B4GALT1: variants seen among roughly 807,000 people sequenced by gnomAD.
B4GALT1 encodes the protein beta-1,4-galactosyltransferase 1, also known as N-acetyllactosamine synthase.
B4GALT1 carries 16 observed loss-of-function variants against 34.9 expected under a neutral mutation model. The observed-to-expected ratio is 0.46, with a 90% CI of 0.31 to 0.70. The LOEUF (loss-of-function observed/expected upper bound fraction) is 0.70, where lower values mean the gene tolerates loss of function less well. B4GALT1 is among the 30% of genes least tolerant of loss of function. The probability of loss-of-function intolerance (pLI) is 0.05; values close to 1 mark genes in which losing one functional copy is unlikely to be tolerated. For synonymous variants in B4GALT1, 221 were observed against 218.1 expected (o/e 1.01, Z -0.12); for missense variants, 445 against 530.5 (o/e 0.84, Z 1.58).
At chr9:33,150,504 T>C (rs1270518630) in intron 1 of B4GALT1, among the ~76,000 whole-genome samples, 1 of 151,832 alleles carries the variant, frequency 6.6e-6, no homozygotes, top group East Asian at 1.9e-4. Flanking sequence ...ATATATACTG[T>C]GTGACTCCAT....
At chr9:33,125,969 A>C (rs1021361072) in intron 2 of B4GALT1, among the ~76,000 whole-genome samples, 1 of 152,158 alleles carries the variant, frequency 6.6e-6, no homozygotes, top group African/African-American at 2.4e-5. Flanking sequence ...ACATGGCTGG[A>C]ACCATTAACC....
chr9:33,157,063 TACACACACACACACAC>T (rs371027641), intron 1 of B4GALT1, among the ~76,000 whole-genome samples: 63 of 87,306 alleles, frequency 7.2e-4, no homozygotes, highest in African/African-American at 3.8e-3. Flanking sequence ...CATAGGGAAC[TACACACACACACACAC>T]ACACACACAC....
intron 1 of B4GALT1, among the ~76,000 whole-genome samples, chr9:33,164,313 C>G (rs1410681798): frequency 1.3e-5 from 2 of 152,186 alleles, no homozygotes. Flanking sequence ...CTCGACTCCC[C>G]CCACCCACAC....
upstream of B4GALT1, among the ~76,000 whole-genome samples, chr9:33,167,933 G>A (rs1840796714): frequency 1.3e-5 from 2 of 152,264 alleles, no homozygotes; most frequent in Admixed American, 1.3e-4. Context: ...AAAGAAAGTG[G>A]ACGGGTTGCC....
intron 1 of B4GALT1, among the ~76,000 whole-genome samples, chr9:33,136,365 G>A (rs1840272913): frequency 6.6e-6 from 1 of 152,150 alleles, no homozygotes; most frequent in East Asian, 1.9e-4. Flanking sequence ...GGTACACGTG[G>A]TGCAGTCCAG....
chr9:33,181,425 C>CACACACACACACACAA, the B4GALT1 span, among the ~76,000 whole-genome samples: 1 of 145,156 alleles, frequency 6.9e-6, no homozygotes, highest in South Asian at 2.1e-4. Flanking sequence ...CCCTGTCTTA[C>CACACACACACACACAA]ACACACACAC....
intron 2 of B4GALT1, among the ~76,000 whole-genome samples, chr9:33,132,356 C>T (rs73645257): frequency 0.2 from 30,139 of 152,060 alleles, 3,306 homozygotes; most frequent in East Asian, 0.47. Context: ...TCACTTGAGA[C>T]GGTTCTTGGA....
chr9:33,139,921 G>A (rs565214149), intron 1 of B4GALT1, among the ~76,000 whole-genome samples: 2 of 152,366 alleles, frequency 1.3e-5, no homozygotes, highest in South Asian at 2.1e-4. Context: ...GCAGGGTTAC[G>A]TAAGCAGATG....
chr9:33,128,767 A>C (rs1346106259), intron 2 of B4GALT1, among the ~76,000 whole-genome samples: 1 of 152,076 alleles, frequency 6.6e-6, no homozygotes, highest in Non-Finnish European at 1.5e-5. Context: ...GATAGAAACC[A>C]AACCAATGAG....
At chr9:33,177,234 T>A in the B4GALT1 span, among the ~76,000 whole-genome samples, 11 of 152,330 alleles carry the variant, frequency 7.2e-5, 1 homozygote, top group South Asian at 2.3e-3. Context: ...TTACTACATG[T>A]TACTACTATG....
intron 2 of B4GALT1, among the ~76,000 whole-genome samples, chr9:33,121,479 T>TA (rs1388028295): frequency 6.6e-6 from 1 of 151,642 alleles, no homozygotes; most frequent in Non-Finnish European, 1.5e-5. Flanking sequence ...TCTCCTGCCT[T>TA]AGCCTCGCGA....
At chr9:33,135,472 A>G (rs762072929) in intron 1 of B4GALT1, 48 bp from the exon 2 acceptor site, 5 of 1,552,262 alleles carry the variant, frequency 3.2e-6, no homozygotes, top group Non-Finnish European at 2.7e-6. Flanking sequence ...AGGACTCGCC[A>G]CCGCTCCACA....
intron 1 of B4GALT1, among the ~76,000 whole-genome samples, chr9:33,156,338 TG>T (rs1382046235): frequency 6.6e-6 from 1 of 152,188 alleles, no homozygotes; most frequent in Non-Finnish European, 1.5e-5. Context: ...TTCACCATGT[TG>T]GCCAGGCTGG....
intron 1 of B4GALT1, among the ~76,000 whole-genome samples, chr9:33,151,374 T>C (rs1044439315): frequency 1.3e-5 from 2 of 152,198 alleles, no homozygotes; most frequent in African/African-American, 4.8e-5. Flanking sequence ...CCAGCAGATT[T>C]TCTGGAGCTG....
chr9:33,168,511 A>G (rs1168372181), upstream of B4GALT1, among the ~76,000 whole-genome samples: 1 of 152,228 alleles, frequency 6.6e-6, no homozygotes, highest in Non-Finnish European at 1.5e-5. Context: ...TCTGCCATGA[A>G]GTAGGTGGTG....
rs904666716 is a variant in B4GALT1, at chr9:33,126,389, T to C, written c.649-5783A>G. 2.2e-4 allele frequency among the ~76,000 whole-genome samples: 34 copies of C among 152,328 alleles called. 1 individual carries two copies. Among genetic ancestry groups the C allele is most frequent in the Non-Finnish European group, 1.2e-4 (8 of 68,024 alleles). ...AAATGCTGAGTTTGTGGAGGGCTAA[T>C]AATATCTACTCAGCCATGAGTTCAC... On this transcript the variant is annotated intron_variant, in intron 2 of 5. Coordinates refer to ENST00000379731, the MANE Select transcript of B4GALT1 (RefSeq NM_001497.4).
chr9:33,113,406 G>A lies in B4GALT1; in HGVS notation c.*48C>T. The A allele has an allele frequency of 6.2e-7, 1 of 1,613,410 alleles. No homozygotes were observed. On this transcript the variant is annotated 3_prime_UTR_variant, in exon 6 of 6. Transcript: ENST00000379731. ...CCCAGCAGATTGGCAGAGACACACA[G>A]CAGAGGTCCCTGGCTAATTTCAGGT...
At chr9:33,155,376 A>T (rs1471589716) in intron 1 of B4GALT1, among the ~76,000 whole-genome samples, 2 of 152,126 alleles carry the variant, frequency 1.3e-5, no homozygotes, top group African/African-American at 4.8e-5. Flanking sequence ...GCCTACATCT[A>T]TCTTTTTGTT....
chr9:33,122,494 G>A (rs1247467013), intron 2 of B4GALT1, among the ~76,000 whole-genome samples: 1 of 150,526 alleles, frequency 6.6e-6, no homozygotes, highest in Non-Finnish European at 1.5e-5. Context: ...GCGGCAGAGT[G>A]AGACCCCCAT....
Sources: gnomAD v4.1 joint callset for allele counts (sites outside exome capture counted in the v4.1 genomes callset) on GRCh38, gnomAD v4.1.1 for gene constraint, MANE v1.5 for transcripts, NCBI Gene and HGNC (gene_info 2026-07-23, HGNC 2026-07-21) for gene names.